The following ENPP6 variants were observed in gnomAD, a reference collection of about 807,000 sequenced individuals.
ENPP6 encodes glycerophosphocholine cholinephosphodiesterase ENPP6.
Under a neutral mutation model 42.0 loss-of-function variants are expected in ENPP6, and 32 were observed. The ratio of observed to expected loss-of-function variants is 0.76; its 90% confidence interval spans 0.58 to 1.02. The LOEUF is 1.02. Ranked by LOEUF, ENPP6 falls within the 50% of genes least tolerant of loss-of-function variation. The pLI is 0.00. For synonymous variants in ENPP6, 213 were observed against 216.0 expected, an observed-to-expected ratio of 0.99 and a Z score of 0.12; for missense variants, 552 against 566.8, an observed-to-expected ratio of 0.97 and a Z score of 0.27.
At chr4:184,145,384 G>A (rs1032348827) in intron 2 of ENPP6, among the ~76,000 whole-genome samples, 1 of 151,764 alleles carries the variant, frequency 6.6e-6, no homozygotes, top group Non-Finnish European at 1.5e-5. Flanking sequence ...CAACATGAAA[G>A]CATCAAATGA....
At chr4:184,142,961 C>T (rs546500737) in intron 2 of ENPP6, among the ~76,000 whole-genome samples, 32 of 152,324 alleles carry the variant, frequency 2.1e-4, no homozygotes, top group Non-Finnish European at 3.2e-4. Context: ...GGCCACTTGA[C>T]ATAAGCGATC....
intron 1 of ENPP6, among the ~76,000 whole-genome samples, chr4:184,192,311 GC>G (rs1732722401): frequency 1.3e-5 from 2 of 152,182 alleles, no homozygotes; most frequent in African/African-American, 4.8e-5. Flanking sequence ...AAAATTGAGA[GC>G]CCAAGAATAA....
intron 7 of ENPP6, among the ~76,000 whole-genome samples, chr4:184,093,062 T>C (rs1461067560): frequency 6.6e-6 from 1 of 152,138 alleles, no homozygotes; most frequent in Non-Finnish European, 1.5e-5. Flanking sequence ...TTTGGAGAAT[T>C]AAAGTTGAAT....
chr4:184,091,670 G>A (rs1318785753), intron 7 of ENPP6, among the ~76,000 whole-genome samples: 1 of 152,114 alleles, frequency 6.6e-6, no homozygotes, highest in Admixed American at 6.5e-5. Flanking sequence ...AAGTTGGGAG[G>A]GCGAGGAGGG....
chr4:184,207,046 A>G (rs1733013598), intron 1 of ENPP6, among the ~76,000 whole-genome samples: 1 of 152,220 alleles, frequency 6.6e-6, no homozygotes, highest in African/African-American at 2.4e-5. Flanking sequence ...GGGGTCTCTG[A>G]TGCCTGCTCC....
intron 5 of ENPP6, among the ~76,000 whole-genome samples, chr4:184,113,889 C>CCTTTTTTTCTTTT (rs1736255887): frequency 6.8e-6 from 1 of 146,370 alleles, no homozygotes; most frequent in African/African-American, 2.5e-5. Context: ...CTTTTTCCTT[C>CCTTTTTTTCTTTT]CTTTCTTTCT....
chr4:184,153,030 T>C (rs17075373), intron 2 of ENPP6, among the ~76,000 whole-genome samples: 5,072 of 152,142 alleles, frequency 0.033, 233 homozygotes, highest in South Asian at 0.11. Flanking sequence ...GTGTTTGCTA[T>C]GTCAAGAGAA....
At position 184,088,979 on chromosome 4, in the gene ENPP6, T is replaced by C. The variant is rs753268205; in HGVS notation, c.*2198A>G. ...TCTCTTGAGTTTGATGATCCAATTT[T>C]AATTTAATCATTTGAGTATCTCTTA... On this transcript the variant is annotated 3_prime_UTR_variant, in exon 8 of 8. Transcript: ENST00000296741. 6.6e-6 allele frequency: 1 copy of C among 152,230 alleles called. No homozygotes were observed. The highest frequency in any genetic ancestry group is 1.5e-5 in the Non-Finnish European group (1 of 68,032). The allele number at this position is 152,230 out of a possible 1,614,324, so 9.4% of individuals were successfully genotyped here.
intron 1 of ENPP6, among the ~76,000 whole-genome samples, chr4:184,165,137 G>C (rs1458864339): frequency 6.6e-6 from 1 of 152,192 alleles, no homozygotes; most frequent in African/African-American, 2.4e-5. Context: ...GAGGGGTGAA[G>C]CTCATAACCT....
At chr4:184,216,937 T>C (rs985482073) in intron 1 of ENPP6, 1 of 152,184 alleles carries the variant, frequency 6.6e-6, no homozygotes, top group African/African-American at 2.4e-5. Flanking sequence ...TGGTCTTTTG[T>C]AGATGCTGCA....
At chr4:184,125,993 A>C (rs1736497062) in intron 2 of ENPP6, among the ~76,000 whole-genome samples, 1 of 152,164 alleles carries the variant, frequency 6.6e-6, no homozygotes, top group South Asian at 2.1e-4. Context: ...AAAGCAAATA[A>C]GATATCACCC....
intron 1 of ENPP6, among the ~76,000 whole-genome samples, chr4:184,172,864 T>C (rs1229716625): frequency 2.0e-5 from 3 of 152,156 alleles, no homozygotes; most frequent in Admixed American, 6.5e-5. Flanking sequence ...TCGTTCACCG[T>C]CTGTGGGAGG....
At chr4:184,211,760 C>A (rs879808275) in intron 1 of ENPP6, among the ~76,000 whole-genome samples, 1 of 151,314 alleles carries the variant, frequency 6.6e-6, no homozygotes, top group African/African-American at 2.4e-5. Context: ...CATTCTGATA[C>A]CAAAGCCAGG....
At chr4:184,144,033 G>C (rs1736876341) in intron 2 of ENPP6, among the ~76,000 whole-genome samples, 1 of 152,208 alleles carries the variant, frequency 6.6e-6, no homozygotes, top group East Asian at 1.9e-4. Flanking sequence ...ACTCAGCTAG[G>C]AAAGGTGCAG....
intron 6 of ENPP6, 140 bp downstream of exon 6, chr4:184,112,532 C>T: frequency 2.8e-6 from 3 of 1,089,908 alleles, no homozygotes; most frequent in Non-Finnish European, 3.8e-6. Flanking sequence ...TTTTGATTCT[C>T]TAAAGAAAGA....
At chr4:184,172,582 G>A (rs943249591) in intron 1 of ENPP6, among the ~76,000 whole-genome samples, 2 of 152,176 alleles carry the variant, frequency 1.3e-5, no homozygotes, top group East Asian at 1.9e-4. Flanking sequence ...GACATAAGGC[G>A]GCCTGGACCG....
At chr4:184,092,359 A>G (rs1735820344) in intron 7 of ENPP6, among the ~76,000 whole-genome samples, 1 of 152,190 alleles carries the variant, frequency 6.6e-6, no homozygotes, top group Admixed American at 6.5e-5. Flanking sequence ...AAATGAGCAA[A>G]CTGGTATCTG....
At chr4:184,123,668 T>G (rs537054567) in intron 3 of ENPP6, among the ~76,000 whole-genome samples, 30 of 152,264 alleles carry the variant, frequency 2.0e-4, no homozygotes, top group African/African-American at 7.0e-4. Context: ...AATTCCTACA[T>G]TTTTCAAATT....
chr4:184,151,211 G>A (rs996458829), intron 2 of ENPP6, among the ~76,000 whole-genome samples: 6 of 152,284 alleles, frequency 3.9e-5, no homozygotes, highest in African/African-American at 1.2e-4. Flanking sequence ...GGTGGTGCAC[G>A]CCTGTAATCC....
Sources: allele counts gnomAD v4.1 joint callset (sites outside exome capture counted in the v4.1 genomes callset), GRCh38; gene constraint gnomAD v4.1.1; transcripts MANE v1.5; gene names NCBI Gene and HGNC (gene_info 2026-07-23, HGNC 2026-07-21).